ZNF544: variants seen among roughly 807,000 people sequenced by gnomAD.
ZNF544 encodes zinc finger protein 544, also known as zinc finger protein AF020591.
A neutral mutation model predicts 13.5 loss-of-function variants in ZNF544; 10 were observed. That is an observed-to-expected ratio of 0.74 (90% CI 0.46 to 1.25). The LOEUF is 1.25. ZNF544 is among the 50% of genes most tolerant of loss of function. ZNF544 has a pLI of 0.00. For synonymous variants in ZNF544, 323 were observed against 300.5 expected (o/e 1.07, Z -0.77); for missense variants, 896 against 845.6 (o/e 1.06, Z -0.74).
intron 3 of ZNF544, among the ~76,000 whole-genome samples, chr19:58,243,632 C>T (rs1040084905): frequency 6.6e-6 from 1 of 152,086 alleles, no homozygotes; most frequent in Non-Finnish European, 1.5e-5. Context: ...TTTCTGAAAA[C>T]AGCTTATGAT....
chr19:58,265,559 T>C (rs2049762775), downstream of ZNF544, among the ~76,000 whole-genome samples: 1 of 151,982 alleles, frequency 6.6e-6, no homozygotes, highest in South Asian at 2.1e-4. Flanking sequence ...CCTCCCAAAG[T>C]GCTGGGATTA....
At chr19:58,267,906 A>G (rs1029255282), downstream of ZNF544, among the ~76,000 whole-genome samples, 1 of 150,100 alleles carries the variant, frequency 6.7e-6, no homozygotes, top group African/African-American at 2.5e-5. Context: ...GCGTGAACTC[A>G]GGAGAAGGAG....
exon 7 of ZNF544, chr19:58,277,402 C>T (rs548995658): frequency 6.4e-6 from 3 of 471,600 alleles, no homozygotes; most frequent in East Asian, 3.5e-5. Flanking sequence ...CCTCAGACTA[C>T]ACCATCAGCC....
chr19:58,242,866 T>C (rs1032534641), intron 3 of ZNF544, among the ~76,000 whole-genome samples: 3 of 152,068 alleles, frequency 2.0e-5, no homozygotes, highest in African/African-American at 7.2e-5. Context: ...GCCTGGCTAA[T>C]TTTTGTATTT....
intron 5 of ZNF544, among the ~76,000 whole-genome samples, chr19:58,269,610 C>CAAAAA: frequency 9.7e-6 from 1 of 102,578 alleles, no homozygotes. Flanking sequence ...GACTCTGTCT[C>CAAAAA]AAAAAAAAAA....
rs1453828252 is a variant in ZNF544 at position 58,246,785 on chromosome 19, G to GC, written c.241dup (p.Arg81ProfsTer8). On this transcript the variant is annotated frameshift_variant, in exon 6 of 7. Coordinates refer to ENST00000687789, the MANE Select transcript of ZNF544 (RefSeq NM_014480.4). LOFTEE classifies it low-confidence loss of function (END_TRUNC). ...GGACCTGTGCAGGGCAGAGCAGGAGGCCCCCCGAGGTAAGAGCAGACCTTG... is the reference window on the plus strand; with the variant it reads ...GGACCTGTGCAGGGCAGAGCAGGAGGCCCCCCCGAGGTAAGAGCAGACCTTG... 6.2e-7 allele frequency: 1 copy of GC among 1,613,970 alleles called. No homozygotes were observed. The highest frequency in any genetic ancestry group is 2.2e-5 in the East Asian group (1 of 44,878).
intron 6 of ZNF544, among the ~76,000 whole-genome samples, chr19:58,248,122 C>T (rs1600298266): frequency 6.6e-6 from 1 of 152,024 alleles, no homozygotes; most frequent in Non-Finnish European, 1.5e-5. Flanking sequence ...CCATGTTGGC[C>T]AGGATGGTCT....
At chr19:58,242,284 G>T in intron 3 of ZNF544, 1 of 985,250 alleles carries the variant, frequency 1.0e-6, no homozygotes, top group African/African-American at 1.7e-5. Context: ...GGTGGAAGAG[G>T]TTTCCCAAGC....
chr19:58,244,739 C>T (rs2147026350), intron 4 of ZNF544, among the ~76,000 whole-genome samples: 1 of 152,120 alleles, frequency 6.6e-6, no homozygotes, highest in East Asian at 2.0e-4. Context: ...GCATGCTTGA[C>T]TAATTTATTA....
At chr19:58,275,598 CAGG>C (rs1219939396) in intron 5 of ZNF544, among the ~76,000 whole-genome samples, 2 of 151,592 alleles carry the variant, frequency 1.3e-5, no homozygotes, top group Non-Finnish European at 2.9e-5. Context: ...TGCTTGAAAT[CAGG>C]AGCTCAAGAC....
At chr19:58,271,702 A>T (rs754720379) in intron 5 of ZNF544, among the ~76,000 whole-genome samples, 29 of 152,262 alleles carry the variant, frequency 1.9e-4, no homozygotes, top group Middle Eastern at 3.4e-3. Flanking sequence ...CTGGTGGTTC[A>T]CTTCTTATTT....
intron 3 of ZNF544, among the ~76,000 whole-genome samples, chr19:58,236,226 A>T (rs924205324): frequency 6.6e-6 from 1 of 151,912 alleles, no homozygotes; most frequent in African/African-American, 2.4e-5. Context: ...AGAAACAGCC[A>T]GGCACGGTGA....
chr19:58,266,822 C>T (rs2049976596), downstream of ZNF544: 1 of 152,180 alleles, frequency 6.6e-6, no homozygotes. Flanking sequence ...ATGTATTTTG[C>T]TCTGCAGCAA....
intron 6 of ZNF544, chr19:58,259,525 A>C (rs1376733573): frequency 1.3e-5 from 2 of 152,190 alleles, no homozygotes; most frequent in East Asian, 3.9e-4. Context: ...CTGGATCAAA[A>C]TCAAGGTGTT....
intron 5 of ZNF544, among the ~76,000 whole-genome samples, chr19:58,276,129 A>C (rs2051203700): frequency 6.6e-6 from 1 of 152,112 alleles, no homozygotes; most frequent in Non-Finnish European, 1.5e-5. Flanking sequence ...ATGAGCCAAG[A>C]TTGCAGCACT....
At chr19:58,244,126 C>T (rs1030405403) in intron 4 of ZNF544, 70 bp downstream of exon 4, 23 of 1,376,858 alleles carry the variant, frequency 1.7e-5, no homozygotes, top group African/African-American at 1.0e-4. Flanking sequence ...GAATAGCACC[C>T]GCCCCTGCAG....
intron 3 of ZNF544, among the ~76,000 whole-genome samples, chr19:58,235,287 A>C (rs1246198424): frequency 6.6e-6 from 1 of 152,238 alleles, no homozygotes; most frequent in African/African-American, 2.4e-5. Flanking sequence ...CTAAACATAG[A>C]AAAGGTACGG....
rs1568473125 is a variant in ZNF544 at position 58,246,771 on chromosome 19, G to C, written c.221G>C (p.Arg74Thr). 1.2e-6 allele frequency: 2 copies of C among 1,614,096 alleles called. No homozygotes were observed. The highest frequency in any genetic ancestry group is 1.7e-6 in the Non-Finnish European group (2 of 1,179,970). Residue 74 changes from arginine (R) to threonine (T), a missense_variant, in exon 6 of 7, where the codon AGG becomes ACG. Arg to Thr is a moderately conservative substitution (Grantham distance 71). Coordinates refer to ENST00000687789, the MANE Select transcript of ZNF544 (RefSeq NM_014480.4). ...SQLEQEEDLC[R>T]AEQEAPRDWK... ...CTGGAGCAAGAAGAGGACCTGTGCA[G>C]GGCAGAGCAGGAGGCCCCCCGAGGT...
downstream of ZNF544, chr19:58,267,585 T>C (rs1423497453): frequency 6.8e-6 from 1 of 148,012 alleles, no homozygotes; most frequent in East Asian, 2.0e-4. Context: ...GCGCCTGTAA[T>C]CCCAGCTACT....
Sources: allele counts gnomAD v4.1 joint callset (sites outside exome capture counted in the v4.1 genomes callset), GRCh38; gene constraint gnomAD v4.1.1; transcripts MANE v1.5; gene names NCBI Gene and HGNC (gene_info 2026-07-23, HGNC 2026-07-21).